SGSM2: variants seen among roughly 807,000 people sequenced by gnomAD.
SGSM2 encodes small G protein signaling modulator 2.
A neutral mutation model predicts 126.6 loss-of-function variants in SGSM2; 89 were observed. The observed-to-expected ratio is 0.70, with a 90% CI of 0.59 to 0.84. The LOEUF is 0.84. SGSM2 is among the 40% of genes least tolerant of loss of function. SGSM2 has a pLI of 0.00. For missense variants in SGSM2, 1,404 were observed against 1,416.6 expected (o/e 0.99, Z 0.14); for synonymous variants, 614 against 574.3 (o/e 1.07, Z -0.99).
intron 17 of SGSM2, 146 bp from the exon 18 acceptor site, chr17:2,375,346 G>A: frequency 9.8e-7 from 1 of 1,024,442 alleles, no homozygotes; most frequent in Non-Finnish European, 1.4e-6. Flanking sequence ...AGCTGGCTTG[G>A]TGCCCCGTGG....
chr17:2,380,100 C>T lies in SGSM2; in HGVS notation c.*580C>T. ...AGGCCGCTCCCCCGAGATTCTGGGG[C>T]AGTCGGAAGATGTGGGCCCTGGGTG... is the stretch of plus-strand genomic sequence containing the variant. On this transcript the variant is annotated 3_prime_UTR_variant, in exon 24 of 24. Transcript: ENST00000268989. The T allele has an allele frequency of 7.2e-7, 1 of 1,398,270 alleles. No individual in the cohort carries two copies. Among genetic ancestry groups the T allele is most frequent in the Non-Finnish European group, 9.3e-7 (1 of 1,079,778 alleles). 86.6% of individuals were successfully genotyped at this position (1,398,270 alleles called of 1,614,324 possible). A position where few individuals can be genotyped will look rare whatever the true frequency, so the allele number is the denominator to read the frequency against.
intron 2 of SGSM2, among the ~76,000 whole-genome samples, chr17:2,353,817 C>T (rs974936861): frequency 2.0e-5 from 3 of 151,508 alleles, no homozygotes; most frequent in Non-Finnish European, 2.9e-5. Flanking sequence ...TGCTCTTATT[C>T]ACCCACTTCC....
chr17:2,358,493 T>C (rs868429291), intron 2 of SGSM2, among the ~76,000 whole-genome samples: 1 of 152,168 alleles, frequency 6.6e-6, no homozygotes, highest in Non-Finnish European at 1.5e-5. Flanking sequence ...AAGGATCACT[T>C]GAGCCAGGCA....
chr17:2,364,823 C>T, intron 9 of SGSM2, 74 bp from the exon 10 acceptor site: 3 of 1,582,740 alleles, frequency 1.9e-6, no homozygotes, highest in Non-Finnish European at 2.6e-6. Context: ...TCCTACCCAG[C>T]CTGGGGGCAC....
intron 17 of SGSM2, chr17:2,375,096 A>G (rs1282331588): frequency 3.5e-5 from 6 of 172,542 alleles, no homozygotes; most frequent in Non-Finnish European, 3.7e-5. Context: ...TAAAACCTCT[A>G]GGCTTCTCTC....
At chr17:2,373,215 CCT>C in intron 16 of SGSM2, 114 bp from the exon 17 acceptor site, 5 of 1,539,602 alleles carry the variant, frequency 3.2e-6, no homozygotes, top group African/African-American at 1.4e-5. Flanking sequence ...CCGTCCTTAC[CCT>C]GAGGCCCGTC....
chr17:2,347,972 C>T (rs976160237), intron 2 of SGSM2, among the ~76,000 whole-genome samples: 9 of 152,160 alleles, frequency 5.9e-5, no homozygotes, highest in Non-Finnish European at 7.3e-5. Flanking sequence ...TCCTCAGTCA[C>T]CAGATTCCCT....
chr17:2,352,266 C>G (rs1396578387), intron 2 of SGSM2, among the ~76,000 whole-genome samples: 1 of 152,224 alleles, frequency 6.6e-6, no homozygotes, highest in Non-Finnish European at 1.5e-5. Context: ...CCACTGGCCC[C>G]CAGGCAGGCA....
chr17:2,377,045 G>C lies in SGSM2; in HGVS notation c.2779G>C (p.Ala927Pro). The change falls in exon 21 of 24, where the codon GCC becomes CCC. Residue 927 changes from alanine (A) to proline (P), a missense_variant. Transcript: ENST00000268989. The stretch of plus-strand genomic sequence containing the variant: ...CGGGGGTGCCATGGACACCCACTTT[G>C]CCAACATGCGCTCCCTCATCCAGGT... ...PNGGAMDTHF[A>P]NMRSLIQILD... is the part of the protein sequence containing the mutation. 6.2e-7 allele frequency: 1 copy of C among 1,613,242 alleles called. No homozygotes were observed. The highest frequency in any genetic ancestry group is 8.5e-7 in the Non-Finnish European group (1 of 1,179,528).
Position 2,337,611 on chromosome 17 carries a change from G to A in SGSM2, c.-78G>A. ...GGCGGGGGCTCCGCCTTGCGCGTGG[G>A]GCGCTGAGCCGAGAGGCGCGGAGGC... On this transcript the variant is annotated 5_prime_UTR_variant, in exon 1 of 24. Coordinates refer to ENST00000268989, the MANE Select transcript of SGSM2 (RefSeq NM_014853.3). This position sits in a 1 kb window ranked among gnomAD's most constrained non-coding sequence, Gnocchi z 5.1. 1 of 1,054,204 alleles carries A rather than the reference G, an allele frequency of 9.5e-7. No homozygotes were observed. Among genetic ancestry groups the A allele is most frequent in the Non-Finnish European group, 1.2e-6 (1 of 828,092 alleles). 65.3% of individuals were successfully genotyped at this position (1,054,204 alleles called of 1,614,324 possible).
chr17:2,357,519 G>A (rs2065133485), intron 2 of SGSM2, among the ~76,000 whole-genome samples: 2 of 152,106 alleles, frequency 1.3e-5, no homozygotes, highest in Admixed American at 1.3e-4. Flanking sequence ...TTCTTGAGAT[G>A]GAGTTTTTGC....
At chr17:2,377,731 C>G in intron 21 of SGSM2, 126 bp from the exon 22 acceptor site, 1 of 682,030 alleles carries the variant, frequency 1.5e-6, no homozygotes, top group Non-Finnish European at 2.7e-6. Flanking sequence ...CAGCACAGGG[C>G]AACAGACAGA....
In SGSM2 at chr17:2,379,413, T is replaced by G. The variant is rs1456813021; in HGVS notation, c.3068-19T>G. On this transcript the variant is annotated intron_variant, in intron 23 of 23. Transcript: ENST00000268989. ...CCCTTTCTCTGGGCCTCTCTACAGC[T>G]CTTCACGTTTCCCCCCAGAACGTGC... The G allele has an allele frequency of 6.2e-7, 1 of 1,609,272 alleles. No individual in the cohort carries two copies. Among genetic ancestry groups the G allele is most frequent in the Admixed American group, 1.7e-5 (1 of 59,852 alleles).
At chr17:2,352,363 C>T (rs1372915189) in intron 2 of SGSM2, among the ~76,000 whole-genome samples, 2 of 152,214 alleles carry the variant, frequency 1.3e-5, no homozygotes, top group Non-Finnish European at 2.9e-5. Context: ...CCTGCTTGCA[C>T]TTCCTCGCTT....
chr17:2,351,222 C>T (rs2064835682), intron 2 of SGSM2, among the ~76,000 whole-genome samples: 1 of 151,592 alleles, frequency 6.6e-6, no homozygotes, highest in Non-Finnish European at 1.5e-5. Context: ...CACTGCACTC[C>T]GACCTGGGCA....
chr17:2,366,992 T>G, intron 11 of SGSM2: 1 of 401,322 alleles, frequency 2.5e-6, no homozygotes, highest in Non-Finnish European at 4.6e-6. Flanking sequence ...ACAGTCCCGG[T>G]CTTTCACATC....
rs1004423065 is a variant in SGSM2, at chr17:2,345,463, G to T, written c.133+1843G>T. On this transcript the variant is annotated intron_variant, in intron 2 of 23. Transcript: ENST00000268989. ...TACAAAAAATTAGCCAGGCGTGGTG[G>T]CGGGCGCCTGTAGTCCCAGCTACTC... 1.1e-4 allele frequency among the ~76,000 whole-genome samples: 16 copies of T among 152,090 alleles called. 1 individual carries two copies. In the East Asian group the frequency reaches 3.1e-3, roughly 29 times the overall value.
chr17:2,361,903 C>T, intron 3 of SGSM2, 104 bp downstream of exon 3: 1 of 1,400,948 alleles, frequency 7.1e-7, no homozygotes, highest in Non-Finnish European at 9.6e-7. Flanking sequence ...TGGGCCTGTT[C>T]CTTGCAGGGC....
rs747071299 is a variant in SGSM2 at position 2,367,384 on chromosome 17, A to T, written c.1402A>T (p.Thr468Ser). The change falls in exon 12 of 24, where the codon ACA becomes TCA. Residue 468 changes from threonine (T) to serine (S), a missense_variant. Thr to Ser is a moderately conservative substitution (Grantham distance 58). Transcript: ENST00000268989. The surrounding 1 kb of genome is among the most constrained non-coding windows in gnomAD (Gnocchi z 4.0). Reference sequence around the variant, plus strand: ...CTCAATGATCTGCTCGCGGAACCTCACAGCTCCCAATCCGATGAAAGGTTC... The same window carrying T: ...CTCAATGATCTGCTCGCGGAACCTCTCAGCTCCCAATCCGATGAAAGGTTC... ...MLSMICSRNLTAPNPMKDAGD... is the reference protein window; with the variant it reads ...MLSMICSRNLSAPNPMKDAGD... 1.9e-6 allele frequency: 3 copies of T among 1,613,976 alleles called. No individual in the cohort carries two copies. The South Asian group carries it at 3.3e-5, about 18-fold the overall frequency.
Sources: gnomAD v4.1 joint callset for allele counts (sites outside exome capture counted in the v4.1 genomes callset) on GRCh38, gnomAD v4.1.1 for gene constraint, Gnocchi (gnomAD v3.1) non-coding constraint, MANE v1.5 for transcripts, NCBI Gene and HGNC (gene_info 2026-07-23, HGNC 2026-07-21) for gene names.